SBF2: variants seen among roughly 807,000 people sequenced by gnomAD.
The protein encoded by SBF2 is SET binding factor 2.
A neutral mutation model predicts 225.2 loss-of-function variants in SBF2; 112 were observed. The observed-to-expected ratio is 0.50, with a 90% CI of 0.43 to 0.58. The LOEUF (loss-of-function observed/expected upper bound fraction) is 0.58. SBF2 is among the 20% of genes least tolerant of loss of function. The pLI is 0.00. For synonymous variants in SBF2, 763 were observed against 773.3 expected (o/e 0.99, Z 0.22); for missense variants, 1,996 against 2,206.2 (o/e 0.90, Z 1.91).
At chr11:9,784,505 G>T in intron 37 of SBF2, 67 bp from the exon 38 acceptor site, 1 of 1,225,184 alleles carries the variant, frequency 8.2e-7, no homozygotes, top group Non-Finnish European at 1.2e-6. Flanking sequence ...AAGGGGAGGG[G>T]ATATCTGTTG....
At chr11:10,020,940 A>G (rs1948832808) in intron 6 of SBF2, among the ~76,000 whole-genome samples, 1 of 148,114 alleles carries the variant, frequency 6.8e-6, no homozygotes, top group South Asian at 2.2e-4. Flanking sequence ...ATTTAATATC[A>G]GAGATCATCG....
intron 16 of SBF2, among the ~76,000 whole-genome samples, chr11:9,927,872 G>A (rs1864173520): frequency 6.6e-6 from 1 of 152,144 alleles, no homozygotes; most frequent in African/African-American, 2.4e-5. Context: ...CCAATTCAGT[G>A]AGTAAACAAA....
At chr11:10,252,050 T>C (rs2135488594) in intron 1 of SBF2, among the ~76,000 whole-genome samples, 1 of 152,334 alleles carries the variant, frequency 6.6e-6, no homozygotes, top group Non-Finnish European at 1.5e-5. Context: ...TAATCAAACT[T>C]AAGACTTCAA....
At chr11:9,911,713 G>A (rs1862632464) in intron 16 of SBF2, among the ~76,000 whole-genome samples, 1 of 152,110 alleles carries the variant, frequency 6.6e-6, no homozygotes, top group South Asian at 2.1e-4. Context: ...TCCATTCACG[G>A]TAATTGTCCT....
chr11:10,172,582 A>C (rs1289858129), intron 2 of SBF2, among the ~76,000 whole-genome samples: 1 of 152,048 alleles, frequency 6.6e-6, no homozygotes, highest in Non-Finnish European at 1.5e-5. Context: ...CAAACTCCTG[A>C]CCTCAGGTGA....
chr11:10,246,693 A>G (rs1959828170), intron 1 of SBF2, among the ~76,000 whole-genome samples: 1 of 152,244 alleles, frequency 6.6e-6, no homozygotes, highest in African/African-American at 2.4e-5. Context: ...TACTATAACC[A>G]TTAAAAACAA....
intron 16 of SBF2, among the ~76,000 whole-genome samples, chr11:9,934,360 C>T (rs1005766760): frequency 2.0e-5 from 3 of 152,108 alleles, no homozygotes; most frequent in Non-Finnish European, 4.4e-5. Flanking sequence ...GATTCACAAC[C>T]GAATTCTACC....
chr11:10,001,761 C>T (rs938732125), intron 7 of SBF2, among the ~76,000 whole-genome samples: 2 of 152,098 alleles, frequency 1.3e-5, no homozygotes, highest in Non-Finnish European at 2.9e-5. Flanking sequence ...CTCTTGACCT[C>T]GTGATCCACC....
rs577223503 is a variant in SBF2 at position 10,133,299 on chromosome 11, T to C, written c.141+60603A>G. Among the ~76,000 whole-genome samples, 53 of 149,538 alleles carry C rather than the reference T, an allele frequency of 3.5e-4. 3 individuals carry two copies. Among genetic ancestry groups the C allele is most frequent in the Non-Finnish European group, 5.5e-4 (37 of 67,512 alleles). ...AGCTGCCTGCCAGTCCTGCGCCGTG[T>C]GCTCGCATTCCTCAGCCCTTGGGTG... On this transcript the variant is annotated intron_variant, in intron 2 of 39. Transcript: ENST00000256190.
chr11:9,842,522 T>C, intron 25 of SBF2, 103 bp downstream of exon 25: 1 of 1,191,748 alleles, frequency 8.4e-7, no homozygotes, highest in Non-Finnish European at 1.2e-6. Flanking sequence ...TCTCATGAGA[T>C]CTAGGTTTTT....
chr11:9,948,461 G>C (rs1865685250), intron 16 of SBF2, among the ~76,000 whole-genome samples: 1 of 152,146 alleles, frequency 6.6e-6, no homozygotes, highest in South Asian at 2.1e-4. Context: ...AATCCAACTA[G>C]AGTTCATTGA....
At chr11:10,003,011 C>T (rs1179639755) in intron 6 of SBF2, among the ~76,000 whole-genome samples, 1 of 152,132 alleles carries the variant, frequency 6.6e-6, no homozygotes, top group Non-Finnish European at 1.5e-5. Context: ...AAAACTAACC[C>T]CTGCAGAGTC....
chr11:10,129,174 G>A (rs749900590), intron 2 of SBF2, among the ~76,000 whole-genome samples: 9 of 143,842 alleles, frequency 6.3e-5, no homozygotes, highest in Non-Finnish European at 1.0e-4. Flanking sequence ...CACGATCTTG[G>A]CTTACTGCAA....
chr11:10,192,413 C>T (rs1441230828), intron 2 of SBF2, among the ~76,000 whole-genome samples: 11 of 152,056 alleles, frequency 7.2e-5, no homozygotes, highest in East Asian at 5.8e-4. Context: ...TTATTAGCTA[C>T]GACGAGAAAA....
At chr11:10,004,309 A>C (rs544998417) in intron 6 of SBF2, among the ~76,000 whole-genome samples, 1 of 152,268 alleles carries the variant, frequency 6.6e-6, no homozygotes, top group African/African-American at 2.4e-5. Context: ...TTTTGGCTTT[A>C]ACATGAATTT....
At chr11:10,179,094 A>C (rs1956608795) in intron 2 of SBF2, among the ~76,000 whole-genome samples, 2 of 150,332 alleles carry the variant, frequency 1.3e-5, no homozygotes, top group East Asian at 4.0e-4. Context: ...TATCGCAAGA[A>C]CAAAAAACGA....
In SBF2 at chr11:9,915,087, T is replaced by C. The variant is rs148501414; in HGVS notation, c.1861-19076A>G. On this transcript the variant is annotated intron_variant, in intron 16 of 39. Transcript: ENST00000256190. Reference sequence around the variant, plus strand: ...AAGGATGAACTTGTGAAGATGGAGATGAAATGGCCAGAGAGACAGAAGGAT... The same window carrying C: ...AAGGATGAACTTGTGAAGATGGAGACGAAATGGCCAGAGAGACAGAAGGAT... Among the ~76,000 whole-genome samples, 197 of 152,158 alleles carry C rather than the reference T, an allele frequency of 1.3e-3. 1 individual carries two copies. Among genetic ancestry groups the C allele is most frequent in the African/African-American group, 4.5e-3 (187 of 41,514 alleles).
At chr11:9,948,828 T>C (rs1422007565) in intron 16 of SBF2, among the ~76,000 whole-genome samples, 1 of 152,228 alleles carries the variant, frequency 6.6e-6, no homozygotes, top group Non-Finnish European at 1.5e-5. Context: ...GCTTTCTCCT[T>C]TTCCATATTT....
At chr11:9,828,429 GCAAGTGCAAT>G (rs1009601432) in intron 28 of SBF2, 11 of 985,268 alleles carry the variant, frequency 1.1e-5, no homozygotes, top group Non-Finnish European at 1.3e-5. Context: ...GTTAGGTTTG[GCAAGTGCAAT>G]CAGAGAATTT....
Sources: gnomAD v4.1 joint callset for allele counts (sites outside exome capture counted in the v4.1 genomes callset) on GRCh38, gnomAD v4.1.1 for gene constraint, MANE v1.5 for transcripts, NCBI Gene and HGNC (gene_info 2026-07-23, HGNC 2026-07-21) for gene names.